DLGAP2: variants seen among roughly 807,000 people sequenced by gnomAD.
The protein encoded by DLGAP2 is DLG associated protein 2.
A neutral mutation model predicts 100.3 loss-of-function variants in DLGAP2; 26 were observed. The observed-to-expected ratio is 0.26, with a 90% confidence interval of 0.19 to 0.36. The LOEUF is 0.36. Among genes scored for constraint, DLGAP2 ranks in the 10% least tolerant of loss-of-function variants. The pLI is 1.00. For missense variants in DLGAP2, 1,858 were observed against 1,453.2 expected (o/e 1.28, Z -4.53); for synonymous variants, 886 against 630.1 (o/e 1.41, Z -6.08).
chr8:1,308,939 C>G (rs960192666), intron 3 of DLGAP2, among the ~76,000 whole-genome samples: 6 of 151,110 alleles, frequency 4.0e-5, no homozygotes, highest in Admixed American at 3.3e-4. Context: ...AAGAAAACAG[C>G]AGACATTCTG....
chr8:938,328 C>T (rs1318696238), intron 2 of DLGAP2, among the ~76,000 whole-genome samples: 1 of 152,126 alleles, frequency 6.6e-6, no homozygotes, highest in Non-Finnish European at 1.5e-5. Context: ...CTCTGGGTAG[C>T]TAGGACTACA....
chr8:1,465,586 C>G (rs932015987), intron 3 of DLGAP2, among the ~76,000 whole-genome samples: 1 of 152,204 alleles, frequency 6.6e-6, no homozygotes, highest in Non-Finnish European at 1.5e-5. Flanking sequence ...CACCACCCTC[C>G]AGGAACCTCC....
At chr8:1,165,613 T>G (rs1287373732) in intron 2 of DLGAP2, among the ~76,000 whole-genome samples, 3 of 152,238 alleles carry the variant, frequency 2.0e-5, no homozygotes, top group Non-Finnish European at 4.4e-5. Context: ...TGTGAAATTG[T>G]GCAGTCGCTG....
intron 2 of DLGAP2, among the ~76,000 whole-genome samples, chr8:1,255,038 A>ATCCT (rs1563043452): frequency 1.0e-5 from 1 of 99,606 alleles, no homozygotes; most frequent in African/African-American, 5.5e-5. Flanking sequence ...TCTCCTGCCC[A>ATCCT]GCCGCTGTGT....
chr8:903,537 C>T (rs151195263), intron 1 of DLGAP2, among the ~76,000 whole-genome samples: 83 of 152,264 alleles, frequency 5.5e-4, no homozygotes, highest in African/African-American at 1.9e-3. Flanking sequence ...TGTCAGATTA[C>T]TTCCCATAGG....
chr8:1,095,709 C>T (rs1263421358), intron 2 of DLGAP2, among the ~76,000 whole-genome samples: 1 of 152,212 alleles, frequency 6.6e-6, no homozygotes, highest in Non-Finnish European at 1.5e-5. Context: ...CAGTCCCGTG[C>T]TGGAGAAGAA....
intron 2 of DLGAP2, among the ~76,000 whole-genome samples, chr8:1,223,486 A>T (rs1449268832): frequency 6.6e-6 from 1 of 152,246 alleles, no homozygotes; most frequent in Non-Finnish European, 1.5e-5. Context: ...CTACAAGATG[A>T]CTAAAAGTTT....
rs1311608706 is a variant in DLGAP2 at position 1,381,075 on chromosome 8, G to A, written c.107-120291G>A. 5 of 151,804 alleles carry A rather than the reference G, an allele frequency of 3.3e-5. 1 individual carries two copies. Among genetic ancestry groups the A allele is most frequent in the Admixed American group, 1.3e-4 (2 of 15,260 alleles). The allele number at this position is 151,804 out of a possible 1,614,324, so 9.4% of individuals were successfully genotyped here. On this transcript the variant is annotated intron_variant, in intron 3 of 14. Coordinates refer to ENST00000637795, the MANE Select transcript of DLGAP2 (RefSeq NM_001346810.2). ...TCTAAATCAAAATTAGACTTAAGAG[G>A]CCAATTAAAAATAAAGGTCACGGCG...
chr8:956,651 C>A (rs1021482506), intron 2 of DLGAP2, among the ~76,000 whole-genome samples: 2 of 152,200 alleles, frequency 1.3e-5, no homozygotes, highest in East Asian at 3.9e-4. Flanking sequence ...ACCCACATTC[C>A]ATTTACAGAT....
intron 8 of DLGAP2, among the ~76,000 whole-genome samples, chr8:1,655,645 A>C (rs566322960): frequency 6.6e-6 from 1 of 152,344 alleles, no homozygotes; most frequent in African/African-American, 2.4e-5. Context: ...GCGATTCCTC[A>C]AAGCCATGTG....
At chr8:816,452 A>C (rs1313705779) in intron 1 of DLGAP2, among the ~76,000 whole-genome samples, 3 of 152,128 alleles carry the variant, frequency 2.0e-5, no homozygotes, top group Non-Finnish European at 4.4e-5. Context: ...GTTTATCTGG[A>C]AAAGAGTGTA....
At chr8:1,142,121 T>C (rs1796531989) in intron 2 of DLGAP2, among the ~76,000 whole-genome samples, 1 of 152,046 alleles carries the variant, frequency 6.6e-6, no homozygotes. Context: ...TCGTTTTTCC[T>C]AAGAAATCTT....
intron 2 of DLGAP2, among the ~76,000 whole-genome samples, chr8:1,028,171 G>A (rs1315858420): frequency 2.1e-5 from 3 of 139,662 alleles, no homozygotes; most frequent in Admixed American, 7.0e-5. Context: ...CCAGGCGCCC[G>A]TTATTCTCCA....
intron 3 of DLGAP2, 42 bp downstream of exon 3, chr8:1,258,925 C>G (rs576960176): frequency 5.9e-5 from 72 of 1,230,614 alleles, no homozygotes; most frequent in Non-Finnish European, 7.1e-5. Flanking sequence ...GGGGGCCGCG[C>G]GGCTCACAGG....
At position 1,663,473 on chromosome 8, in the gene DLGAP2, C is replaced by G. The variant is rs114923638; in HGVS notation, c.1811-4856C>G. Among the ~76,000 whole-genome samples, 400 of 152,218 alleles carry G rather than the reference C, an allele frequency of 2.6e-3. 2 individuals are homozygous for G. The highest frequency in any genetic ancestry group is 9.3e-3 in the African/African-American group (387 of 41,520). On this transcript the variant is annotated intron_variant, in intron 8 of 14. Coordinates refer to ENST00000637795, the MANE Select transcript of DLGAP2 (RefSeq NM_001346810.2). ...GACGCCGGACACCGCAGAGCACCCT[C>G]AGACAGAGGGAAGGCAGTTTCTCCA... is the stretch of plus-strand genomic sequence containing the variant.
At position 1,691,635 on chromosome 8, in the gene DLGAP2, A is replaced by G; in HGVS notation, c.2796+9A>G. On this transcript the variant is annotated intron_variant, in intron 13 of 14. Transcript: ENST00000637795. ...TTTGCCAACAGAATATGGTAAGTGAATCCTCAGTGAACCCCTGTTCCCTGT... is the reference window on the plus strand; with the variant it reads ...TTTGCCAACAGAATATGGTAAGTGAGTCCTCAGTGAACCCCTGTTCCCTGT... The G allele has an allele frequency of 6.2e-7, 1 of 1,609,316 alleles. No individual in the cohort carries two copies. Among genetic ancestry groups the G allele is most frequent in the Non-Finnish European group, 8.5e-7 (1 of 1,176,152 alleles).
intron 12 of DLGAP2, among the ~76,000 whole-genome samples, chr8:1,687,401 G>T (rs1462095366): frequency 6.6e-6 from 1 of 152,198 alleles, no homozygotes; most frequent in Non-Finnish European, 1.5e-5. Context: ...TCCTGCAAGT[G>T]TCTAAACTAT....
At chr8:1,077,426 A>G (rs1442620421) in intron 2 of DLGAP2, among the ~76,000 whole-genome samples, 3 of 152,172 alleles carry the variant, frequency 2.0e-5, no homozygotes, top group African/African-American at 7.2e-5. Flanking sequence ...GGCGGTGGTG[A>G]TGTCAGGGCC....
chr8:816,658 C>G (rs1046420610), intron 1 of DLGAP2, among the ~76,000 whole-genome samples: 3 of 152,036 alleles, frequency 2.0e-5, no homozygotes, highest in Non-Finnish European at 1.5e-5. Flanking sequence ...AAATTGTTTC[C>G]TTTGTCTTGA....
Sources: allele counts gnomAD v4.1 joint callset (sites outside exome capture counted in the v4.1 genomes callset), GRCh38; gene constraint gnomAD v4.1.1; transcripts MANE v1.5; gene names NCBI Gene and HGNC (gene_info 2026-07-23, HGNC 2026-07-21).